FAT3: variants seen among roughly 807,000 people sequenced by gnomAD.
The protein encoded by FAT3 is protocadherin Fat 3.
A neutral mutation model predicts 310.2 loss-of-function variants in FAT3; 95 were observed. The observed-to-expected ratio is 0.31, with a 90% CI of 0.26 to 0.36. The LOEUF (loss-of-function observed/expected upper bound fraction) is 0.36, where lower values mean the gene tolerates loss of function less well. FAT3 is among the 10% of genes least tolerant of loss of function. The probability of loss-of-function intolerance (pLI) is 1.00; values close to 1 mark genes in which losing one functional copy is unlikely to be tolerated. For missense variants in FAT3, 5,408 were observed against 5,715.6 expected, an observed-to-expected ratio of 0.95 and a Z score of 1.74; for synonymous variants, 2,314 against 2,192.9, an observed-to-expected ratio of 1.06 and a Z score of -1.54.
At chr11:92,584,777 AG>A (rs1939045011) in intron 3 of FAT3, among the ~76,000 whole-genome samples, 1 of 152,036 alleles carries the variant, frequency 6.6e-6, no homozygotes, top group Non-Finnish European at 1.5e-5. Flanking sequence ...ATATGTCTTC[AG>A]GGGCCACTTC....
chr11:92,531,990 G>C (rs1954092605), intron 3 of FAT3, among the ~76,000 whole-genome samples: 1 of 151,986 alleles, frequency 6.6e-6, no homozygotes, highest in Admixed American at 6.6e-5. Context: ...TCTAGGGATG[G>C]GAGGAACTGC....
In FAT3 at chr11:92,800,676, A is replaced by T. The variant is rs1250639841; in HGVS notation, c.7663A>T (p.Thr2555Ser). The T allele has an allele frequency of 1.9e-6, 3 of 1,613,692 alleles. No homozygotes were observed. The highest frequency in any genetic ancestry group is 1.7e-5 in the Admixed American group (1 of 59,982). Residue 2555 changes from threonine to serine, a missense_variant, in exon 10 of 28, where the codon ACA becomes TCA. Thr to Ser is a moderately conservative substitution (Grantham distance 58). This residue lies in a region of FAT3 where 4,588 missense variants were observed against 4,809.8 expected (regional missense o/e 0.95). Transcript: ENST00000525166. ...LIDSNGQVIT[T>S]ERLDRENPLE... ...AGACAGCAATGGGCAGGTCATCACC[A>T]CAGAAAGGCTAGACCGGGAAAACCC...
intron 3 of FAT3, among the ~76,000 whole-genome samples, chr11:92,670,098 T>C (rs1427505215): frequency 2.0e-5 from 3 of 152,200 alleles, no homozygotes; most frequent in Non-Finnish European, 4.4e-5. Context: ...AACATAAAAG[T>C]GCTGTTAATA....
At position 92,488,450 on chromosome 11, in the gene FAT3, GCCCCCCC is replaced by G. The variant is rs796106709; in HGVS notation, c.3293-36179_3293-36173del. ...TACACAGAAATAAATAACTAGCACC[GCCCCCCC>G]CCCCGCCCCCCAACCAGCCCTGAGT... On this transcript the variant is annotated intron_variant, in intron 2 of 27. Transcript: ENST00000525166. Among the ~76,000 whole-genome samples the G allele has an allele frequency of 5.3e-4, 5 of 9,366 alleles. 2 individuals are homozygous for G. The East Asian group carries it at 0.047, about 88-fold the overall frequency. The allele number at this position is 9,366 out of a possible 152,430, so 6.1% of individuals were successfully genotyped here.
chr11:92,837,304 G>T (rs1202035469), intron 16 of FAT3, among the ~76,000 whole-genome samples: 1 of 152,184 alleles, frequency 6.6e-6, no homozygotes, highest in Admixed American at 6.6e-5. Flanking sequence ...GACAACTATT[G>T]CACTGAGCAA....
chr11:92,622,292 A>AG (rs397803204), intron 3 of FAT3, among the ~76,000 whole-genome samples: 1,749 of 152,042 alleles, frequency 0.012, 41 homozygotes, highest in African/African-American at 0.04. Context: ...AAAAAAAAAA[A>AG]TGGTGGAACA....
intron 1 of FAT3, among the ~76,000 whole-genome samples, chr11:92,287,692 T>C (rs1317463374): frequency 6.6e-6 from 1 of 152,154 alleles, no homozygotes; most frequent in African/African-American, 2.4e-5. Flanking sequence ...AAGTTATCCC[T>C]GTGGTTTCTT....
Position 92,891,269 on chromosome 11 carries a change from C to A in FAT3, c.*156C>A. 9.7e-7 allele frequency: 1 copy of A among 1,028,390 alleles called. No homozygotes were observed. Among genetic ancestry groups the A allele is most frequent in the Non-Finnish European group, 1.4e-6 (1 of 724,818 alleles). The allele number at this position is 1,028,390 out of a possible 1,614,324, so 63.7% of individuals were successfully genotyped here. A position where few individuals can be genotyped will look rare whatever the true frequency, so the allele number is the denominator to read the frequency against. On this transcript the variant is annotated 3_prime_UTR_variant, in exon 28 of 28. Coordinates refer to ENST00000525166, the MANE Select transcript of FAT3 (RefSeq NM_001367949.2). ...TCACAAGTCATACTGTCCCAACAAGCAAGCTTGATTCCAGTTGGGTGAAAA... is the reference window on the plus strand; with the variant it reads ...TCACAAGTCATACTGTCCCAACAAGAAAGCTTGATTCCAGTTGGGTGAAAA...
At chr11:92,728,897 A>C (rs1698203768) in intron 4 of FAT3, among the ~76,000 whole-genome samples, 1 of 152,334 alleles carries the variant, frequency 6.6e-6, no homozygotes, top group African/African-American at 2.4e-5. Context: ...AGGTTAATCC[A>C]GGATGATCTC....
chr11:92,809,453 C>A (rs1220539460), intron 12 of FAT3, among the ~76,000 whole-genome samples: 1 of 152,160 alleles, frequency 6.6e-6, no homozygotes, highest in Non-Finnish European at 1.5e-5. Flanking sequence ...CATCAGAGAA[C>A]CAGATATACC....
At position 92,798,063 on chromosome 11, in the gene FAT3, G is replaced by T. The variant is rs768207109; in HGVS notation, c.5050G>T (p.Val1684Phe). The change falls in exon 10 of 28, where the codon GTT (valine) becomes TTT (phenylalanine). Residue 1684 changes from valine (V) to phenylalanine (F), a missense_variant. Val to Phe is a conservative substitution (Grantham distance 50). Transcript: ENST00000525166. ...CTACCAAGCAGAAGTAAATGAAAAT[G>T]TTGACATTGGAACATCAGTCATTCT... ...KDYQAEVNEN[V>F]DIGTSVILIS... 1 of 1,613,844 alleles carries T rather than the reference G, an allele frequency of 6.2e-7. No individual in the cohort carries two copies. Among genetic ancestry groups the T allele is most frequent in the Admixed American group, 1.7e-5 (1 of 60,010 alleles).
intron 4 of FAT3, among the ~76,000 whole-genome samples, chr11:92,724,790 A>G (rs2135982730): frequency 6.6e-6 from 1 of 152,360 alleles, no homozygotes; most frequent in Non-Finnish European, 1.5e-5. Context: ...TTTACCTAAC[A>G]TAAAGATTGT....
chr11:92,386,432 C>A (rs190891341), intron 2 of FAT3, among the ~76,000 whole-genome samples: 1 of 152,308 alleles, frequency 6.6e-6, no homozygotes, highest in East Asian at 1.9e-4. Flanking sequence ...TGAATGAATG[C>A]ATACATGAAA....
At chr11:92,671,876 C>A (rs1201812590) in intron 3 of FAT3, among the ~76,000 whole-genome samples, 2 of 152,128 alleles carry the variant, frequency 1.3e-5, no homozygotes, top group African/African-American at 4.8e-5. Flanking sequence ...GAGGCCAAGG[C>A]AGGTGGATCA....
At chr11:92,598,230 A>ATATATTT (rs756896313) in intron 3 of FAT3, among the ~76,000 whole-genome samples, 20 of 134,428 alleles carry the variant, frequency 1.5e-4, no homozygotes, top group South Asian at 4.6e-4. Flanking sequence ...ATATATATAT[A>ATATATTT]TTTTTTTTTT....
chr11:92,740,518 G>T (rs1426399253), intron 4 of FAT3, among the ~76,000 whole-genome samples: 1 of 152,116 alleles, frequency 6.6e-6, no homozygotes, highest in East Asian at 1.9e-4. Flanking sequence ...AAGAATCATT[G>T]GAGTCTTTAA....
At chr11:92,255,340 T>A (rs1439703541) in intron 1 of FAT3, among the ~76,000 whole-genome samples, 31 of 148,976 alleles carry the variant, frequency 2.1e-4, no homozygotes, top group African/African-American at 6.6e-4. Context: ...GGGTTTTTTT[T>A]TAAAAAAAAA....
chr11:92,453,386 C>T (rs953404842), intron 2 of FAT3, among the ~76,000 whole-genome samples: 1 of 152,042 alleles, frequency 6.6e-6, no homozygotes, highest in Non-Finnish European at 1.5e-5. Flanking sequence ...GAGTCTTTTC[C>T]TTGTTTTAGT....
chr11:92,496,832 T>G (rs543704), intron 2 of FAT3, among the ~76,000 whole-genome samples: 81,668 of 151,776 alleles, frequency 0.54, 22,390 homozygotes, highest in East Asian at 0.7. Context: ...TCTCTGGTTT[T>G]ATTGGAGAGT....
Sources: gnomAD v4.1 joint callset for allele counts (sites outside exome capture counted in the v4.1 genomes callset) on GRCh38, gnomAD v4.1.1 for gene constraint, gnomAD v4.1.1 regional missense constraint, MANE v1.5 for transcripts, NCBI Gene and HGNC (gene_info 2026-07-23, HGNC 2026-07-21) for gene names.